ALMS1: variants seen among roughly 807,000 people sequenced by gnomAD.
ALMS1 encodes the protein ALMS1 centrosome and basal body associated protein.
Under a neutral mutation model 352.2 loss-of-function variants are expected in ALMS1, and 271 were observed. The ratio of observed to expected loss-of-function variants is 0.77; its 90% CI spans 0.70 to 0.85. The LOEUF (loss-of-function observed/expected upper bound fraction) is 0.85, where lower values mean the gene tolerates loss of function less well. Among genes scored for constraint, ALMS1 ranks in the 40% least tolerant of loss-of-function variants. The pLI is 0.00. For missense variants in ALMS1, 5,445 were observed against 4,870.7 expected (o/e 1.12, Z -3.51); for synonymous variants, 1,865 against 1,761.2 (o/e 1.06, Z -1.48).
intron 10 of ALMS1, among the ~76,000 whole-genome samples, chr2:73,497,107 A>C (rs960809250): frequency 6.6e-6 from 1 of 152,118 alleles, no homozygotes; most frequent in African/African-American, 2.4e-5. Context: ...TGGGTTGGCA[A>C]TACTTTCCTT....
chr2:73,492,849 C>T (rs1303526201), intron 10 of ALMS1, among the ~76,000 whole-genome samples: 5 of 152,020 alleles, frequency 3.3e-5, no homozygotes, highest in South Asian at 2.1e-4. Context: ...GTTCCCGTCC[C>T]GCCTCAGCCA....
chr2:73,406,240 TCTC>T (rs1256657849), intron 1 of ALMS1, among the ~76,000 whole-genome samples: 1 of 152,190 alleles, frequency 6.6e-6, no homozygotes. Flanking sequence ...CCCATAGTGT[TCTC>T]CTTTGTCTAT....
chr2:73,554,751 G>A (rs1458468185), intron 13 of ALMS1, among the ~76,000 whole-genome samples: 1 of 152,050 alleles, frequency 6.6e-6, no homozygotes, highest in South Asian at 2.1e-4. Context: ...TGAGGGGAGC[G>A]TGTAAGTTTC....
chr2:73,542,269 A>G (rs1674201606), intron 12 of ALMS1, among the ~76,000 whole-genome samples: 1 of 152,202 alleles, frequency 6.6e-6, no homozygotes, highest in Admixed American at 6.5e-5. Flanking sequence ...GACAAAAACC[A>G]CATGATTATC....
At chr2:73,535,670 G>A (rs1394107432) in intron 12 of ALMS1, among the ~76,000 whole-genome samples, 1 of 152,178 alleles carries the variant, frequency 6.6e-6, no homozygotes, top group African/African-American at 2.4e-5. Flanking sequence ...CCACTACAGA[G>A]GAGGTGCAGA....
Position 73,448,513 on chromosome 2 carries a change from T to G in ALMS1, c.1986T>G (p.Pro662=). The G allele has an allele frequency of 6.2e-7, 1 of 1,613,760 alleles. No individual in the cohort carries two copies. Among genetic ancestry groups the G allele is most frequent in the Non-Finnish European group, 8.5e-7 (1 of 1,179,872 alleles). Residue 662 remains proline, a synonymous_variant, in exon 8 of 23, where the codon CCT becomes CCG. Transcript: ENST00000613296. ...PGPVEQKTGI[P]TVSSTSHSHV... is the part of the protein sequence containing the mutation. ...CAGTGGAGCAGAAGACGGGAATACC[T>G]ACAGTATCCTCTACATCCCACTCAC...
At chr2:73,569,792 A>C (rs1038778757) in intron 15 of ALMS1, among the ~76,000 whole-genome samples, 2 of 152,224 alleles carry the variant, frequency 1.3e-5, no homozygotes, top group African/African-American at 4.8e-5. Flanking sequence ...AGGCCAGCAC[A>C]ACTATAGTAT....
intron 7 of ALMS1, among the ~76,000 whole-genome samples, chr2:73,447,520 G>T (rs188273421): frequency 2.6e-5 from 4 of 152,122 alleles, no homozygotes; most frequent in African/African-American, 9.7e-5. Context: ...GGAGGAACCC[G>T]TGAAAATAAG....
chr2:73,490,329 A>C lies in ALMS1; in HGVS notation c.8370A>C (p.Glu2790Asp). ...SQDKEVTILA[E>D]GRRQSQKLPV... ...ATAAAGAAGTGACTATTTTAGCAGA[A>C]GGTAGAAGGCAAAGCCAAAAATTAC... Residue 2790 changes from glutamate to aspartate, a missense_variant, in exon 10 of 23, where the codon GAA becomes GAC. By Grantham distance (45) the Glu-to-Asp change is conservative (BLOSUM62 2). Coordinates refer to ENST00000613296, the MANE Select transcript of ALMS1 (RefSeq NM_001378454.1). The C allele has an allele frequency of 6.2e-7, 1 of 1,611,898 alleles. No homozygotes were observed. Among genetic ancestry groups the C allele is most frequent in the Non-Finnish European group, 8.5e-7 (1 of 1,179,028 alleles).
chr2:73,430,336 A>T (rs907349204), intron 6 of ALMS1, among the ~76,000 whole-genome samples: 2 of 152,174 alleles, frequency 1.3e-5, no homozygotes, highest in African/African-American at 2.4e-5. Context: ...TCGGCCTCCC[A>T]GAGTGCTGGG....
Position 73,452,730 on chromosome 2 carries a change from GT to G in ALMS1, c.6204del (p.Ser2068ArgfsTer5). On this transcript the variant is annotated frameshift_variant, in exon 8 of 23. Coordinates refer to ENST00000613296, the MANE Select transcript of ALMS1 (RefSeq NM_001378454.1). LOFTEE classifies it high-confidence loss of function. Reference protein sequence around the residue: ...FQQQLPDRDQSKGILKISAVP... With the variant: ...FQQQLPDRDQXKGILKISAVP... The stretch of plus-strand genomic sequence containing the variant: ...CAGCAGTTGCCAGATAGAGATCAAA[GT>G]AAAGGTATTCTAAAGATTTCAGCTG... 1 of 1,613,560 alleles carries G rather than the reference GT, an allele frequency of 6.2e-7. No homozygotes were observed. The highest frequency in any genetic ancestry group is 8.5e-7 in the Non-Finnish European group (1 of 1,179,972).
intron 7 of ALMS1, among the ~76,000 whole-genome samples, chr2:73,434,158 G>A (rs1467962233): frequency 3.3e-5 from 5 of 149,970 alleles, no homozygotes; most frequent in Non-Finnish European, 7.4e-5. Context: ...ATTTGCTTTG[G>A]GTTTAGTTTG....
At chr2:73,456,783 G>A (rs897459289) in intron 9 of ALMS1, 1 of 152,146 alleles carries the variant, frequency 6.6e-6, no homozygotes, top group Non-Finnish European at 1.5e-5. Flanking sequence ...GGTTGTCTTA[G>A]CACCATTTGT....
intron 1 of ALMS1, among the ~76,000 whole-genome samples, chr2:73,389,707 C>G (rs754563570): frequency 6.6e-6 from 1 of 151,880 alleles, no homozygotes; most frequent in African/African-American, 2.4e-5. Context: ...TTTCCCCCGC[C>G]GAGATGAAGT....
intron 10 of ALMS1, among the ~76,000 whole-genome samples, 185 bp downstream of exon 10, chr2:73,491,683 T>C (rs1404520690): frequency 1.3e-5 from 2 of 152,092 alleles, no homozygotes; most frequent in Non-Finnish European, 2.9e-5. Context: ...CATGTGACAG[T>C]AATGCATTTA....
intron 9 of ALMS1, chr2:73,470,267 G>A (rs1672441098): frequency 1.3e-5 from 2 of 151,328 alleles, no homozygotes; most frequent in African/African-American, 4.8e-5. Flanking sequence ...AGTTCCTTGA[G>A]ATGTAAAGTT....
In ALMS1 at chr2:73,451,670, A is replaced by G. The variant is rs773513360; in HGVS notation, c.5143A>G (p.Arg1715Gly). 5 of 1,613,902 alleles carry G rather than the reference A, an allele frequency of 3.1e-6. No homozygotes were observed. Among genetic ancestry groups the G allele is most frequent in the Admixed American group, 3.3e-5 (2 of 59,996 alleles). ...PSVSSSLYSYREKPIVFYQQA... is the reference protein window; with the variant it reads ...PSVSSSLYSYGEKPIVFYQQA... ...AGTATCCTCTAGTTTATACTCATAT[A>G]GAGAGAAGCCCATTGTCTTCTACCA... Residue 1715 changes from arginine to glycine, a missense_variant, in exon 8 of 23, where the codon AGA (arginine) becomes GGA (glycine). Physicochemically the swap from Arg to Gly is moderately radical, Grantham distance 125. Transcript: ENST00000613296.
chr2:73,498,343 C>A (rs2103913861), intron 10 of ALMS1, among the ~76,000 whole-genome samples: 1 of 151,830 alleles, frequency 6.6e-6, no homozygotes, highest in South Asian at 2.1e-4. Flanking sequence ...TACAAGCATG[C>A]AGTGTGAAAT....
chr2:73,471,658 A>G (rs1672471476), intron 9 of ALMS1, among the ~76,000 whole-genome samples: 1 of 151,978 alleles, frequency 6.6e-6, no homozygotes, highest in Admixed American at 6.6e-5. Context: ...TCAAAACCAC[A>G]ATGACTGAAC....
Sources: allele counts gnomAD v4.1 joint callset (sites outside exome capture counted in the v4.1 genomes callset), GRCh38; gene constraint gnomAD v4.1.1; transcripts MANE v1.5; gene names NCBI Gene and HGNC (gene_info 2026-07-23, HGNC 2026-07-21).